AGAP1: variants seen among roughly 807,000 people sequenced by gnomAD.
The protein encoded by AGAP1 is arf-GAP with GTPase, ANK repeat and PH domain-containing protein 1.
In AGAP1, 29 loss-of-function variants were observed where a neutral mutation model predicts 105.3. The ratio of observed to expected loss-of-function variants is 0.28; its 90% CI spans 0.21 to 0.38. The LOEUF is 0.38. AGAP1 is among the 10% of genes least tolerant of loss of function. The probability of loss-of-function intolerance (pLI) is 1.00; values close to 1 mark genes in which losing one functional copy is unlikely to be tolerated. For missense variants in AGAP1, 998 were observed against 1,165.1 expected, an observed-to-expected ratio of 0.86 and a Z score of 2.09; for synonymous variants, 509 against 485.9, an observed-to-expected ratio of 1.05 and a Z score of -0.63.
chr2:236,034,018 A>G (rs1255512803), intron 13 of AGAP1, among the ~76,000 whole-genome samples: 3 of 152,222 alleles, frequency 2.0e-5, no homozygotes, highest in Admixed American at 6.5e-5. Flanking sequence ...CATCCCACCT[A>G]TGAATTACCA....
intron 16 of AGAP1, among the ~76,000 whole-genome samples, chr2:236,100,179 G>A (rs1017585403): frequency 1.1e-4 from 16 of 152,092 alleles, no homozygotes; most frequent in South Asian, 4.2e-4. Flanking sequence ...GGCCCCCTCC[G>A]TGCCCCTCTT....
At chr2:235,671,001 C>T (rs1948384299) in intron 1 of AGAP1, 8 of 1,321,468 alleles carry the variant, frequency 6.1e-6, no homozygotes, top group South Asian at 2.1e-5. Context: ...CTGCGGCGGG[C>T]CCCGGCCGAA....
intron 1 of AGAP1, among the ~76,000 whole-genome samples, chr2:235,496,263 A>G (rs1941314958): frequency 6.6e-6 from 1 of 152,136 alleles, no homozygotes; most frequent in South Asian, 2.1e-4. Flanking sequence ...CTCCAGCCTT[A>G]TGGGGTCCTA....
rs1955986585 is a variant in AGAP1 at position 235,777,679 on chromosome 2, GCCC to G, written c.674-20079_674-20077del. ...TCACCTGAGCACGTTCAAGCCTCCT[GCCC>G]AGCACCTTCCTAGAGCACCGCCATT... On this transcript the variant is annotated intron_variant, in intron 6 of 17. Coordinates refer to ENST00000304032, the MANE Select transcript of AGAP1 (RefSeq NM_001037131.3). This position sits in a 1 kb window ranked among gnomAD's most constrained non-coding sequence, Gnocchi z 5.1. Among the ~76,000 whole-genome samples, 2 of 152,098 alleles carry G rather than the reference GCCC, an allele frequency of 1.3e-5. No homozygotes were observed. The highest frequency in any genetic ancestry group is 4.8e-5 in the African/African-American group (2 of 41,416).
chr2:236,118,311 A>G (rs2059819223), intron 16 of AGAP1, among the ~76,000 whole-genome samples: 1 of 151,852 alleles, frequency 6.6e-6, no homozygotes. Context: ...GCGATTGTGA[A>G]TCAGTGCGTT....
intron 9 of AGAP1, among the ~76,000 whole-genome samples, chr2:235,853,387 G>C (rs1374916934): frequency 6.6e-6 from 1 of 152,342 alleles, no homozygotes; most frequent in East Asian, 1.9e-4. Flanking sequence ...ACTTCCTTGT[G>C]ATTTTAGTTG....
chr2:236,111,206 A>G (rs1180990788), intron 16 of AGAP1, among the ~76,000 whole-genome samples: 1 of 152,112 alleles, frequency 6.6e-6, no homozygotes, highest in Non-Finnish European at 1.5e-5. Context: ...AGGCACCCTC[A>G]CTGCAGTGTT....
rs1264273654 is a variant in AGAP1 at position 235,962,000 on chromosome 2, G to C, written c.1484-6462G>C. Among the ~76,000 whole-genome samples, 1 of 152,122 alleles carries C rather than the reference G, an allele frequency of 6.6e-6. No homozygotes were observed. Among genetic ancestry groups the C allele is most frequent in the Non-Finnish European group, 1.5e-5 (1 of 68,046 alleles). On this transcript the variant is annotated intron_variant, in intron 12 of 17. Transcript: ENST00000304032. This position sits in a 1 kb window ranked among gnomAD's most constrained non-coding sequence, Gnocchi z 5.9. ...AGACTGCTGGGGACAGGCTGGGGCAGGGCGGGGTGGAGGGTGTCCTCTTCT... is the reference window on the plus strand; with the variant it reads ...AGACTGCTGGGGACAGGCTGGGGCACGGCGGGGTGGAGGGTGTCCTCTTCT...
intron 6 of AGAP1, among the ~76,000 whole-genome samples, chr2:235,772,356 C>T (rs1427407009): frequency 6.6e-6 from 1 of 152,196 alleles, no homozygotes; most frequent in East Asian, 1.9e-4. Flanking sequence ...TGACAGACCA[C>T]ACTGAGAAAC....
chr2:235,953,495 A>G lies in AGAP1; in HGVS notation c.1484-14967A>G, dbSNP rs6431414. On this transcript the variant is annotated intron_variant, in intron 12 of 17. Coordinates refer to ENST00000304032, the MANE Select transcript of AGAP1 (RefSeq NM_001037131.3). This position sits in a 1 kb window ranked among gnomAD's most constrained non-coding sequence, Gnocchi z 5.2. ...GCCTTAAATAGGCAATTAGAAGTAT[A>G]CTGCATTTTTTTCCCTCCAGCATTT... is the stretch of plus-strand genomic sequence containing the variant. Among the ~76,000 whole-genome samples the G allele has an allele frequency of 0.58, 87,495 of 152,018 alleles. 25,353 individuals are homozygous for G. Among genetic ancestry groups the G allele is most frequent in the South Asian group, 0.81 (3,891 of 4,820 alleles).
At position 236,044,477 on chromosome 2, in the gene AGAP1, C is replaced by G. The variant is rs1296907342; in HGVS notation, c.1891+3636C>G. On this transcript the variant is annotated intron_variant, in intron 15 of 17. Coordinates refer to ENST00000304032, the MANE Select transcript of AGAP1 (RefSeq NM_001037131.3). This position sits in a 1 kb window ranked among gnomAD's most constrained non-coding sequence, Gnocchi z 5.7. ...CCATGAAGCCCTGGTTGGAGCTGAC[C>G]GTGCGCTGGTCCCTCCCACCCTGCT... is the stretch of plus-strand genomic sequence containing the variant. 6.6e-6 allele frequency among the ~76,000 whole-genome samples: 1 copy of G among 152,102 alleles called. No individual in the cohort carries two copies. The highest frequency in any genetic ancestry group is 2.4e-5 in the African/African-American group (1 of 41,398).
At chr2:235,816,936 T>C (rs1192606642) in intron 9 of AGAP1, among the ~76,000 whole-genome samples, 2 of 152,048 alleles carry the variant, frequency 1.3e-5, no homozygotes, top group Non-Finnish European at 2.9e-5. Flanking sequence ...GGAAATTGTA[T>C]CATTAAAGTC....
At chr2:235,638,122 C>A (rs114653394) in intron 1 of AGAP1, among the ~76,000 whole-genome samples, 2 of 152,280 alleles carry the variant, frequency 1.3e-5, no homozygotes, top group African/African-American at 2.4e-5. Context: ...CAAACTGACA[C>A]GTAACATTAA....
chr2:235,622,647 T>A lies in AGAP1; in HGVS notation c.164-86532T>A, dbSNP rs1946522286. Reference sequence around the variant, plus strand: ...ATGCGACCTATGAAATTGGGAGCCCTGGCTGGATCAGAAGCACATGGTTCA... The same window carrying A: ...ATGCGACCTATGAAATTGGGAGCCCAGGCTGGATCAGAAGCACATGGTTCA... On this transcript the variant is annotated intron_variant, in intron 1 of 17. Coordinates refer to ENST00000304032, the MANE Select transcript of AGAP1 (RefSeq NM_001037131.3). The surrounding 1 kb of genome is among the most constrained non-coding windows in gnomAD (Gnocchi z 5.0). 6.6e-6 allele frequency among the ~76,000 whole-genome samples: 1 copy of A among 152,150 alleles called. No individual in the cohort carries two copies.
chr2:235,540,847 C>T lies in AGAP1; in HGVS notation c.163+45998C>T, dbSNP rs563210115. ...GTGTAAACTTCATGTTGGATAAATA[C>T]GTGACTTCTGGTATTTTGGGGGCAT... On this transcript the variant is annotated intron_variant, in intron 1 of 17. Coordinates refer to ENST00000304032, the MANE Select transcript of AGAP1 (RefSeq NM_001037131.3). Among the ~76,000 whole-genome samples, 6 of 152,228 alleles carry T rather than the reference C, an allele frequency of 3.9e-5. No homozygotes were observed. In the East Asian group the frequency reaches 9.7e-4, roughly 25 times the overall value.
intron 1 of AGAP1, among the ~76,000 whole-genome samples, chr2:235,554,452 C>T (rs138722800): frequency 6.6e-6 from 1 of 152,294 alleles, no homozygotes; most frequent in Non-Finnish European, 1.5e-5. Flanking sequence ...AACGCCAGGC[C>T]ATGCTGCTGT....
intron 11 of AGAP1, among the ~76,000 whole-genome samples, chr2:235,916,081 A>G (rs1044074285): frequency 6.6e-6 from 1 of 152,230 alleles, no homozygotes. Context: ...GAAGATAGAA[A>G]AAAAAGACAT....
chr2:236,054,325 C>G (rs2057990093), intron 16 of AGAP1, among the ~76,000 whole-genome samples: 1 of 152,140 alleles, frequency 6.6e-6, no homozygotes, highest in Admixed American at 6.6e-5. Flanking sequence ...TAAAGATGCA[C>G]TGTTCCAAAT....
intron 1 of AGAP1, among the ~76,000 whole-genome samples, chr2:235,686,680 T>TTA (rs1949465184): frequency 7.6e-6 from 1 of 130,816 alleles, no homozygotes; most frequent in Non-Finnish European, 1.6e-5. Context: ...TTTTTTTTTT[T>TTA]AGACAGAGTC....
Sources: allele counts gnomAD v4.1 joint callset (sites outside exome capture counted in the v4.1 genomes callset), GRCh38; gene constraint gnomAD v4.1.1; non-coding constraint Gnocchi (gnomAD v3.1); transcripts MANE v1.5; gene names NCBI Gene and HGNC (gene_info 2026-07-23, HGNC 2026-07-21).